SMG6: variants seen among roughly 807,000 people sequenced by gnomAD.
SMG6 encodes telomerase-binding protein EST1A.
Under a neutral mutation model 142.2 loss-of-function variants are expected in SMG6, and 66 were observed. The ratio of observed to expected loss-of-function variants is 0.46; its 90% CI spans 0.38 to 0.57. SMG6 has a LOEUF of 0.57. SMG6 is among the 20% of genes least tolerant of loss of function. The pLI is 0.00. For missense variants in SMG6, 1,793 were observed against 1,832.0 expected (o/e 0.98, Z 0.39); for synonymous variants, 779 against 702.4 (o/e 1.11, Z -1.72).
chr17:2,177,504 G>A (rs2071685189), intron 12 of SMG6, among the ~76,000 whole-genome samples: 1 of 152,134 alleles, frequency 6.6e-6, no homozygotes, highest in South Asian at 2.1e-4. Context: ...TTTTACTGGG[G>A]GAACAAGCTG....
chr17:2,136,008 G>A (rs1431477746), intron 13 of SMG6, among the ~76,000 whole-genome samples: 4 of 146,030 alleles, frequency 2.7e-5, no homozygotes, highest in African/African-American at 1.1e-4. Context: ...GTGTGTGTGT[G>A]TGTGTGTGTG....
At chr17:2,080,617 C>T (rs529951627) in intron 15 of SMG6, among the ~76,000 whole-genome samples, 3 of 151,900 alleles carry the variant, frequency 2.0e-5, no homozygotes, top group African/African-American at 7.3e-5. Flanking sequence ...GAGATAGGTG[C>T]TATTAGCACT....
In SMG6 at chr17:2,085,444, G is replaced by C. The variant is rs970789577; in HGVS notation, c.3534+281C>G. Among the ~76,000 whole-genome samples, 3 of 152,068 alleles carry C rather than the reference G, an allele frequency of 2.0e-5. No homozygotes were observed. The highest frequency in any genetic ancestry group is 4.4e-5 in the Non-Finnish European group (3 of 68,016). On this transcript the variant is annotated intron_variant, in intron 14 of 18. Transcript: ENST00000263073. The surrounding 1 kb of genome is among the most constrained non-coding windows in gnomAD (Gnocchi z 4.1). ...CCCCCCTCTCCCTTTCCTAAGCCTC[G>C]AGAGCTGCACATTATTCAACTCCTT... is the stretch of plus-strand genomic sequence containing the variant.
chr17:2,093,572 C>G (rs1243871531), intron 13 of SMG6, among the ~76,000 whole-genome samples: 1 of 152,066 alleles, frequency 6.6e-6, no homozygotes, highest in Non-Finnish European at 1.5e-5. Flanking sequence ...CCTAACATGG[C>G]TGAGCTGTTT....
chr17:2,254,889 T>A (rs951778150), intron 8 of SMG6, among the ~76,000 whole-genome samples: 7 of 152,114 alleles, frequency 4.6e-5, no homozygotes, highest in Non-Finnish European at 1.0e-4. Context: ...ACCAGAGATA[T>A]CCTCTCAGAG....
At chr17:2,218,417 C>T (rs1029418037) in intron 10 of SMG6, among the ~76,000 whole-genome samples, 4 of 152,142 alleles carry the variant, frequency 2.6e-5, no homozygotes, top group East Asian at 1.9e-4. Context: ...GACACGGTGG[C>T]GGGCGCCTGT....
At chr17:2,239,696 ATACTT>A (rs1480431911) in intron 9 of SMG6, among the ~76,000 whole-genome samples, 2 of 152,204 alleles carry the variant, frequency 1.3e-5, no homozygotes, top group African/African-American at 4.8e-5. Flanking sequence ...AGTTTTCTAA[ATACTT>A]TACAAAGAGC....
chr17:2,097,762 G>A (rs1314189907), intron 13 of SMG6, among the ~76,000 whole-genome samples: 1 of 152,110 alleles, frequency 6.6e-6, no homozygotes, highest in Non-Finnish European at 1.5e-5. Context: ...CTTCAACTGT[G>A]CCTCACTCCA....
At chr17:2,106,887 G>A (rs529688122) in intron 13 of SMG6, among the ~76,000 whole-genome samples, 23 of 151,172 alleles carry the variant, frequency 1.5e-4, no homozygotes, top group African/African-American at 5.6e-4. Context: ...GCAATTGTGC[G>A]ATCTCGGCTC....
At chr17:2,147,123 T>G (rs1459694679) in intron 13 of SMG6, among the ~76,000 whole-genome samples, 1 of 152,192 alleles carries the variant, frequency 6.6e-6, no homozygotes, top group Non-Finnish European at 1.5e-5. Context: ...GCCAGAATGG[T>G]GGCTCACACC....
At chr17:2,292,466 G>T (rs1447869717) in intron 6 of SMG6, 86 bp downstream of exon 6, 1 of 1,292,512 alleles carries the variant, frequency 7.7e-7, no homozygotes, top group Non-Finnish European at 1.1e-6. Context: ...GAGATGAAAT[G>T]AAGCTCCAGG....
chr17:2,067,586 T>C (rs1302231706), intron 16 of SMG6, among the ~76,000 whole-genome samples: 2 of 152,304 alleles, frequency 1.3e-5, no homozygotes, highest in East Asian at 3.9e-4. Flanking sequence ...TGACAGAAAC[T>C]GTTCTACTGT....
chr17:2,145,643 CAAAAAAA>C (rs61451940), intron 13 of SMG6, among the ~76,000 whole-genome samples: 446 of 23,812 alleles, frequency 0.019, 8 homozygotes, highest in African/African-American at 0.064. Flanking sequence ...TCCATCTCCC[CAAAAAAA>C]AAAAAAAAAA....
intron 13 of SMG6, chr17:2,087,146 G>A (rs1188296228): frequency 1.5e-6 from 2 of 1,290,518 alleles, no homozygotes; most frequent in Non-Finnish European, 2.0e-6. Context: ...CCCCTCTGGT[G>A]GCAAAGCCTA....
intron 10 of SMG6, among the ~76,000 whole-genome samples, chr17:2,201,496 C>A (rs2072520560): frequency 6.6e-6 from 1 of 152,094 alleles, no homozygotes; most frequent in Non-Finnish European, 1.5e-5. Flanking sequence ...GAGTTCGAGA[C>A]TGGCCTGATC....
At chr17:2,259,476 G>T (rs1377882899) in intron 8 of SMG6, among the ~76,000 whole-genome samples, 1 of 151,836 alleles carries the variant, frequency 6.6e-6, no homozygotes, top group Non-Finnish European at 1.5e-5. Flanking sequence ...CCAGGAGTTT[G>T]ACCAGCCTGG....
intron 13 of SMG6, among the ~76,000 whole-genome samples, chr17:2,148,544 G>A (rs146523393): frequency 7.3e-4 from 111 of 152,324 alleles, no homozygotes; most frequent in Non-Finnish European, 1.3e-3. Flanking sequence ...CCACTTATAT[G>A]AGGTTCACAG....
intron 13 of SMG6, among the ~76,000 whole-genome samples, chr17:2,140,749 T>G (rs770003784): frequency 6.6e-6 from 1 of 151,792 alleles, no homozygotes; most frequent in East Asian, 1.9e-4. Context: ...ATTTAGAAAG[T>G]AGTATTCAAT....
chr17:2,120,261 T>G (rs2069645474), intron 13 of SMG6, among the ~76,000 whole-genome samples: 2 of 152,298 alleles, frequency 1.3e-5, no homozygotes, highest in South Asian at 4.1e-4. Flanking sequence ...AGAAAATGAA[T>G]AGGTAAGACA....
Sources: allele counts gnomAD v4.1 joint callset (sites outside exome capture counted in the v4.1 genomes callset), GRCh38; gene constraint gnomAD v4.1.1; non-coding constraint Gnocchi (gnomAD v3.1); transcripts MANE v1.5; gene names NCBI Gene and HGNC (gene_info 2026-07-23, HGNC 2026-07-21).